Variants in MYOZ2 observed in about 807,000 individuals in gnomAD.
MYOZ2 encodes myozenin 2.
In MYOZ2, 19 loss-of-function variants were observed where a neutral mutation model predicts 25.4. That is an observed-to-expected ratio of 0.75 (90% CI 0.52 to 1.10). The LOEUF (loss-of-function observed/expected upper bound fraction) is 1.10, where lower values mean the gene tolerates loss of function less well. Among genes scored for constraint, MYOZ2 ranks in the 50% least tolerant of loss-of-function variants. The pLI is 0.00. For missense variants in MYOZ2, 270 were observed against 317.9 expected, an observed-to-expected ratio of 0.85 and a Z score of 1.15; for synonymous variants, 92 against 106.9, an observed-to-expected ratio of 0.86 and a Z score of 0.86.
intron 2 of MYOZ2, among the ~76,000 whole-genome samples, chr4:119,144,937 T>G (rs987151303): frequency 6.6e-6 from 1 of 152,228 alleles, no homozygotes; most frequent in Non-Finnish European, 1.5e-5. Context: ...AGCAAAAGTT[T>G]TTCATTTTGA....
At chr4:119,173,538 A>G (rs1217004119) in intron 5 of MYOZ2, among the ~76,000 whole-genome samples, 2 of 152,224 alleles carry the variant, frequency 1.3e-5, no homozygotes, top group African/African-American at 4.8e-5. Flanking sequence ...TGTAGCCTCA[A>G]TGACGCCAAA....
rs545141698 is a variant in MYOZ2, at chr4:119,151,399, C to T, written c.246+358C>T. 3.9e-5 allele frequency among the ~76,000 whole-genome samples: 6 copies of T among 152,178 alleles called. No homozygotes were observed. In the South Asian group the frequency reaches 8.3e-4, roughly 21 times the overall value. ...ATGGAAACACTTCCAAAGCACATAG[C>T]GCTCCACAGGCGAGGATAAGCATTT... On this transcript the variant is annotated intron_variant, in intron 3 of 5. Coordinates refer to ENST00000307128, the MANE Select transcript of MYOZ2 (RefSeq NM_016599.5).
Position 119,135,955 on chromosome 4 carries a change from C to T in MYOZ2, c.-42C>T, listed in dbSNP as rs146320826. On this transcript the variant is annotated 5_prime_UTR_variant, in exon 1 of 6. Coordinates refer to ENST00000307128, the MANE Select transcript of MYOZ2 (RefSeq NM_016599.5). ...TCCTCCACAAACTGGGATTCATCCCCGCTGAAAAAGCACAATCTAACAGCA... is the reference window on the plus strand; with the variant it reads ...TCCTCCACAAACTGGGATTCATCCCTGCTGAAAAAGCACAATCTAACAGCA... 4.1e-3 allele frequency: 651 copies of T among 160,434 alleles called. 4 individuals carry two copies. Among genetic ancestry groups the T allele is most frequent in the Non-Finnish European group, 5.5e-3 (401 of 73,118 alleles). 9.9% of individuals were successfully genotyped at this position (160,434 alleles called of 1,614,324 possible). A position where few individuals can be genotyped will look rare whatever the true frequency, so the allele number is the denominator to read the frequency against.
At chr4:119,140,263 T>C (rs1430084987) in intron 2 of MYOZ2, among the ~76,000 whole-genome samples, 1 of 152,202 alleles carries the variant, frequency 6.6e-6, no homozygotes. Context: ...GAATTTCAGA[T>C]GAAAGATTAC....
chr4:119,141,549 A>G (rs1741159130), intron 2 of MYOZ2, among the ~76,000 whole-genome samples: 1 of 151,936 alleles, frequency 6.6e-6, no homozygotes, highest in South Asian at 2.1e-4. Flanking sequence ...CGCTTGGCTA[A>G]TTTTTGTATT....
intron 3 of MYOZ2, among the ~76,000 whole-genome samples, chr4:119,153,260 G>A (rs1741494631): frequency 6.6e-6 from 1 of 152,100 alleles, no homozygotes; most frequent in Non-Finnish European, 1.5e-5. Flanking sequence ...TGTCAAGACT[G>A]TAGATTGCAA....
chr4:119,173,328 T>G (rs573757031), intron 5 of MYOZ2, among the ~76,000 whole-genome samples: 1 of 152,200 alleles, frequency 6.6e-6, no homozygotes, highest in African/African-American at 2.4e-5. Context: ...GGGAGATAGA[T>G]GCACAGGTAT....
intron 3 of MYOZ2, among the ~76,000 whole-genome samples, chr4:119,151,882 C>T (rs1741459455): frequency 6.6e-6 from 1 of 152,092 alleles, no homozygotes; most frequent in Non-Finnish European, 1.5e-5. Context: ...TGAAAACTTA[C>T]CAGCTCCCAT....
In MYOZ2 at chr4:119,187,498, A is replaced by C. The variant is rs567626394; in HGVS notation, c.*1298A>C. On this transcript the variant is annotated 3_prime_UTR_variant, in exon 6 of 6. Coordinates refer to ENST00000307128, the MANE Select transcript of MYOZ2 (RefSeq NM_016599.5). ...TAGTGTGGAAGTTGGTGACTGTTTT[A>C]ATCATCATCTAGACTTGTTAAGTAG... is the stretch of plus-strand genomic sequence containing the variant. The C allele has an allele frequency of 1.8e-4, 28 of 152,268 alleles. No individual in the cohort carries two copies. The East Asian group carries it at 5.4e-3, about 29-fold the overall frequency. 9.4% of individuals were successfully genotyped at this position (152,268 alleles called of 1,614,324 possible).
At chr4:119,170,338 A>C (rs1741923060) in intron 5 of MYOZ2, among the ~76,000 whole-genome samples, 1 of 151,998 alleles carries the variant, frequency 6.6e-6, no homozygotes, top group African/African-American at 2.4e-5. Context: ...TCATGCTAAA[A>C]AAAATTTTCA....
intron 5 of MYOZ2, among the ~76,000 whole-genome samples, chr4:119,176,144 C>T (rs1325443388): frequency 3.3e-5 from 5 of 152,114 alleles, no homozygotes; most frequent in African/African-American, 4.8e-5. Context: ...TGTTTGATTC[C>T]CTAGCATGCA....
At chr4:119,175,504 T>C (rs1742049441) in intron 5 of MYOZ2, among the ~76,000 whole-genome samples, 1 of 152,146 alleles carries the variant, frequency 6.6e-6, no homozygotes, top group African/African-American at 2.4e-5. Context: ...GTCACACCTA[T>C]AATCCCAGCA....
intron 2 of MYOZ2, among the ~76,000 whole-genome samples, chr4:119,149,319 T>C (rs1741391672): frequency 6.6e-6 from 1 of 152,232 alleles, no homozygotes; most frequent in Non-Finnish European, 1.5e-5. Flanking sequence ...AGTGGGAGTA[T>C]TGGAGAAACT....
intron 2 of MYOZ2, among the ~76,000 whole-genome samples, chr4:119,142,096 A>G (rs1010159221): frequency 6.6e-6 from 1 of 152,190 alleles, no homozygotes; most frequent in Non-Finnish European, 1.5e-5. Context: ...TATATATTTA[A>G]CAATTGCTTC....
intron 5 of MYOZ2, among the ~76,000 whole-genome samples, chr4:119,177,865 C>A (rs1742111136): frequency 6.6e-6 from 1 of 152,132 alleles, no homozygotes; most frequent in Admixed American, 6.6e-5. Flanking sequence ...TATTAAAATG[C>A]CTCCCATCTT....
At chr4:119,155,084 TGA>T (rs1741543937) in intron 3 of MYOZ2, among the ~76,000 whole-genome samples, 1 of 151,808 alleles carries the variant, frequency 6.6e-6, no homozygotes, top group South Asian at 2.1e-4. Context: ...CATCACATGG[TGA>T]GAGAGGAAGG....
intron 4 of MYOZ2, 32 bp from the exon 5 acceptor site, chr4:119,164,179 T>C (rs768641703): frequency 1.9e-6 from 3 of 1,595,950 alleles, no homozygotes; most frequent in Non-Finnish European, 2.6e-6. Context: ...TCGGGCACAG[T>C]ATTTACTTAC....
intron 5 of MYOZ2, among the ~76,000 whole-genome samples, chr4:119,182,557 T>C (rs981446018): frequency 2.1e-5 from 3 of 145,102 alleles, no homozygotes; most frequent in Non-Finnish European, 4.5e-5. Flanking sequence ...GGTGGCAGGG[T>C]GGGGGGAGAT....
At chr4:119,165,501 C>A (rs55890361) in intron 5 of MYOZ2, among the ~76,000 whole-genome samples, 37,196 of 151,280 alleles carry the variant, frequency 0.25, 4,938 homozygotes, top group South Asian at 0.36. Flanking sequence ...AATAGTGAGA[C>A]CTTGTCTCAA....
Sources: allele counts gnomAD v4.1 joint callset (sites outside exome capture counted in the v4.1 genomes callset), GRCh38; gene constraint gnomAD v4.1.1; transcripts MANE v1.5; gene names NCBI Gene and HGNC (gene_info 2026-07-23, HGNC 2026-07-21).